BCAS3: variants seen among roughly 807,000 people sequenced by gnomAD.
BCAS3 encodes the protein BCAS4/BCAS3 fusion.
A neutral mutation model predicts 116.1 loss-of-function variants in BCAS3; 53 were observed. The observed-to-expected ratio is 0.46, with a 90% confidence interval of 0.37 to 0.57. BCAS3 has a LOEUF of 0.57. BCAS3 is among the 20% of genes least tolerant of loss of function. BCAS3 has a pLI of 0.00. For missense variants in BCAS3, 917 were observed against 1,165.4 expected (o/e 0.79, Z 3.10); for synonymous variants, 391 against 408.2 (o/e 0.96, Z 0.51).
At chr17:61,096,534 G>GGTT (rs2073984568) in intron 22 of BCAS3, among the ~76,000 whole-genome samples, 1 of 152,192 alleles carries the variant, frequency 6.6e-6, no homozygotes, top group Admixed American at 6.5e-5. Flanking sequence ...TCTAGCCTGG[G>GGTT]TGACAGAGGG....
intron 22 of BCAS3, among the ~76,000 whole-genome samples, chr17:61,116,412 A>C (rs1448725973): frequency 6.6e-6 from 1 of 152,100 alleles, no homozygotes; most frequent in Non-Finnish European, 1.5e-5. Flanking sequence ...TCTTCCGTTT[A>C]TGTCCCTTTA....
intron 22 of BCAS3, among the ~76,000 whole-genome samples, chr17:61,085,404 C>G (rs2073007871): frequency 6.6e-6 from 1 of 152,176 alleles, no homozygotes; most frequent in South Asian, 2.1e-4. Context: ...TCCCTAGAGA[C>G]TGCTGATTTG....
chr17:61,094,488 A>G (rs774172465), intron 22 of BCAS3, among the ~76,000 whole-genome samples: 1 of 152,260 alleles, frequency 6.6e-6, no homozygotes. Flanking sequence ...CTAGCTTTCA[A>G]TTGAAAATTA....
chr17:61,040,370 A>G (rs1289300331), intron 18 of BCAS3, among the ~76,000 whole-genome samples: 1 of 152,206 alleles, frequency 6.6e-6, no homozygotes, highest in Non-Finnish European at 1.5e-5. Flanking sequence ...TAAGTCATCC[A>G]TTTACACAGC....
rs1304675280 is a variant in BCAS3 at position 61,037,982 on chromosome 17, C to T, written c.1856C>T (p.Thr619Ile). The T allele has an allele frequency of 6.2e-7, 1 of 1,614,192 alleles. No individual in the cohort carries two copies. Residue 619 changes from threonine (T) to isoleucine (I), a missense_variant, in exon 18 of 24, where the codon ACT becomes ATT. Coordinates refer to ENST00000407086, the MANE Select transcript of BCAS3 (RefSeq NM_017679.5). This position sits in a 1 kb window ranked among gnomAD's most constrained non-coding sequence, Gnocchi z 4.7. Reference protein sequence around the residue: ...EHMMEPRPLSTAPKISDDTPL... With the variant: ...EHMMEPRPLSIAPKISDDTPL... Reference sequence around the variant, plus strand: ...ATGATGGAGCCGCGACCCCTCAGCACTGCACCCAAGATTAGTGACGACACA... The same window carrying T: ...ATGATGGAGCCGCGACCCCTCAGCATTGCACCCAAGATTAGTGACGACACA...
intron 22 of BCAS3, among the ~76,000 whole-genome samples, chr17:61,207,856 T>C (rs939596572): frequency 1.3e-5 from 2 of 152,162 alleles, no homozygotes; most frequent in Admixed American, 1.3e-4. Context: ...TATATATTTG[T>C]GTGTTGCTTA....
At position 60,679,440 on chromosome 17, in the gene BCAS3, G is replaced by GTTTT; in HGVS notation, c.-5-11_-5-10insTTTT. On this transcript the variant is annotated splice_polypyrimidine_tract_variant and intron_variant, in intron 1 of 23. Transcript: ENST00000407086. ...TTTTCTGTTTTTTGTTTGTTTGTTT[G>GTTTT]TTCTGGAAACAGGTTTTATGAATGA... is the stretch of plus-strand genomic sequence containing the variant. 6.3e-7 allele frequency: 1 copy of GTTTT among 1,595,902 alleles called. No homozygotes were observed. Among genetic ancestry groups the GTTTT allele is most frequent in the Non-Finnish European group, 8.6e-7 (1 of 1,164,460 alleles).
At chr17:61,179,468 G>T (rs1258956516) in intron 22 of BCAS3, among the ~76,000 whole-genome samples, 1 of 152,106 alleles carries the variant, frequency 6.6e-6, no homozygotes, top group Admixed American at 6.5e-5. Context: ...CTTGGAGCTT[G>T]CAGGCCTGCC....
rs2069411849 is a variant in BCAS3, at chr17:61,056,599, G to A, written c.2029+15707G>A. ...CCTATTCCCCTTAGAACTTACTGAT[G>A]TTGTGTTTATTGTTATATATACTGG... On this transcript the variant is annotated intron_variant, in intron 19 of 23. Transcript: ENST00000407086. The surrounding 1 kb of genome is among the most constrained non-coding windows in gnomAD (Gnocchi z 4.9). Among the ~76,000 whole-genome samples, 1 of 152,076 alleles carries A rather than the reference G, an allele frequency of 6.6e-6. No individual in the cohort carries two copies. The highest frequency in any genetic ancestry group is 6.6e-5 in the Admixed American group (1 of 15,264).
chr17:61,226,076 A>G lies in BCAS3; in HGVS notation c.2425+141512A>G, dbSNP rs980856830. Among the ~76,000 whole-genome samples, 2 of 152,264 alleles carry G rather than the reference A, an allele frequency of 1.3e-5. No individual in the cohort carries two copies. Among genetic ancestry groups the G allele is most frequent in the African/African-American group, 4.8e-5 (2 of 41,548 alleles). On this transcript the variant is annotated intron_variant, in intron 22 of 23. Coordinates refer to ENST00000407086, the MANE Select transcript of BCAS3 (RefSeq NM_017679.5). The surrounding 1 kb of genome is among the most constrained non-coding windows in gnomAD (Gnocchi z 6.0). ...AAAAATACAGCATGAGCAAGCTGTA[A>G]TGGTGCCTGTCGAGAGTCCCAGCTG...
chr17:60,695,878 A>G (rs745737518), intron 4 of BCAS3, among the ~76,000 whole-genome samples: 12 of 152,168 alleles, frequency 7.9e-5, no homozygotes, highest in Non-Finnish European at 1.5e-4. Flanking sequence ...GGATACAGGC[A>G]TGAGCCACTG....
In BCAS3 at chr17:61,124,451, T is replaced by C. The variant is rs182765315; in HGVS notation, c.2425+39887T>C. Among the ~76,000 whole-genome samples, 1 of 152,326 alleles carries C rather than the reference T, an allele frequency of 6.6e-6. No homozygotes were observed. The highest frequency in any genetic ancestry group is 1.9e-4 in the East Asian group (1 of 5,192). On this transcript the variant is annotated intron_variant, in intron 22 of 23. Coordinates refer to ENST00000407086, the MANE Select transcript of BCAS3 (RefSeq NM_017679.5). The surrounding 1 kb of genome is among the most constrained non-coding windows in gnomAD (Gnocchi z 4.6). The stretch of plus-strand genomic sequence containing the variant: ...ACTACATTCTATTGTAGAACTGTTC[T>C]TATTTTTAAGATCGTAGAGATCCAT...
intron 10 of BCAS3, among the ~76,000 whole-genome samples, chr17:60,901,238 G>C (rs982998009): frequency 1.3e-5 from 2 of 151,476 alleles, no homozygotes; most frequent in Non-Finnish European, 2.9e-5. Context: ...AAAGGTAAGA[G>C]TGTTGTTGTT....
chr17:60,724,466 C>T (rs762664178), intron 5 of BCAS3, among the ~76,000 whole-genome samples: 8 of 148,704 alleles, frequency 5.4e-5, no homozygotes, highest in Non-Finnish European at 1.0e-4. Flanking sequence ...GGCTCATGCC[C>T]GTAATCCCAG....
rs146282162 is a variant in BCAS3 at position 61,259,203 on chromosome 17, A to G, written c.2426-109124A>G. 9.9e-3 allele frequency among the ~76,000 whole-genome samples: 1,511 copies of G among 152,346 alleles called. 13 individuals are homozygous for G. The highest frequency in any genetic ancestry group is 0.017 in the Non-Finnish European group (1,189 of 68,034). ...TGCTTAGTAAACAGTAGTTAGTATCATCATTACTTGTATTTACATTTTTAT... is the reference window on the plus strand; with the variant it reads ...TGCTTAGTAAACAGTAGTTAGTATCGTCATTACTTGTATTTACATTTTTAT... On this transcript the variant is annotated intron_variant, in intron 22 of 23. Coordinates refer to ENST00000407086, the MANE Select transcript of BCAS3 (RefSeq NM_017679.5). This position sits in a 1 kb window ranked among gnomAD's most constrained non-coding sequence, Gnocchi z 4.7.
At chr17:61,048,308 A>G (rs981899468) in intron 19 of BCAS3, among the ~76,000 whole-genome samples, 1 of 152,036 alleles carries the variant, frequency 6.6e-6, no homozygotes, top group East Asian at 1.9e-4. Flanking sequence ...TATATGAAAC[A>G]ATTGTTTTCA....
At chr17:61,291,132 G>A (rs938969906) in intron 22 of BCAS3, among the ~76,000 whole-genome samples, 9 of 152,050 alleles carry the variant, frequency 5.9e-5, no homozygotes, top group Admixed American at 2.6e-4. Flanking sequence ...TTTGTGTTTA[G>A]GGTTTCACTT....
At chr17:60,936,605 G>C (rs1319285601) in intron 13 of BCAS3, among the ~76,000 whole-genome samples, 1 of 152,128 alleles carries the variant, frequency 6.6e-6, no homozygotes, top group African/African-American at 2.4e-5. Flanking sequence ...TTCTCTGATG[G>C]CCAGTGATGA....
chr17:60,746,490 TAGAATGAATGACTGAA>T (rs1486690356), intron 5 of BCAS3, among the ~76,000 whole-genome samples: 1 of 152,156 alleles, frequency 6.6e-6, no homozygotes, highest in Non-Finnish European at 1.5e-5. Context: ...TTTGAATTAA[TAGAATGAATGACTGAA>T]AGTGCTTGGA....
Sources: gnomAD v4.1 joint callset for allele counts (sites outside exome capture counted in the v4.1 genomes callset) on GRCh38, gnomAD v4.1.1 for gene constraint, Gnocchi (gnomAD v3.1) non-coding constraint, MANE v1.5 for transcripts, NCBI Gene and HGNC (gene_info 2026-07-23, HGNC 2026-07-21) for gene names.